TOGARAM1: variants seen among roughly 807,000 people sequenced by gnomAD.
TOGARAM1 encodes the protein TOG array regulator of axonemal microtubules protein 1.
In TOGARAM1, 100 loss-of-function variants were observed where a neutral mutation model predicts 166.6. The observed-to-expected ratio is 0.60, with a 90% CI of 0.51 to 0.71. The LOEUF is 0.71. Among genes scored for constraint, TOGARAM1 ranks in the 30% least tolerant of loss-of-function variants. The pLI is 0.00. For missense variants in TOGARAM1, 2,029 were observed against 2,102.7 expected (o/e 0.96, Z 0.69); for synonymous variants, 758 against 763.8 (o/e 0.99, Z 0.13).
At position 44,963,912 on chromosome 14, in the gene TOGARAM1, C is replaced by G. The variant is rs199500373; in HGVS notation, c.1491C>G (p.Ser497=). The G allele has an allele frequency of 1.6e-5, 26 of 1,613,726 alleles. No individual in the cohort carries two copies. In the East Asian group the frequency reaches 5.3e-4, roughly 33 times the overall value. The change falls in exon 1 of 20, where the codon TCC becomes TCG. Residue 497 remains serine, a synonymous_variant. Transcript: ENST00000361462. ...REEVVNICIC[S]LLTYPSEDFD... ...AGGTGGTGAACATTTGCATCTGCTC[C>G]CTGCTGACCTATCCTAGTGAGGATT...
At chr14:45,021,538 G>T (rs187110733) in intron 7 of TOGARAM1, among the ~76,000 whole-genome samples, 3 of 146,188 alleles carry the variant, frequency 2.1e-5, no homozygotes, top group Admixed American at 2.0e-4. Flanking sequence ...CACGGTTGTT[G>T]CTTGAAGAGC....
chr14:45,068,523 C>A lies in TOGARAM1; in HGVS notation c.4849C>A (p.His1617Asn), dbSNP rs768436295. The A allele has an allele frequency of 1.9e-6, 3 of 1,613,228 alleles. No homozygotes were observed. The highest frequency in any genetic ancestry group is 2.5e-6 in the Non-Finnish European group (3 of 1,179,632). Residue 1617 changes from histidine (H) to asparagine (N), a missense_variant, in exon 18 of 20, where the codon CAC (histidine) becomes AAC (asparagine). By Grantham distance (68) the His-to-Asn change is moderately conservative. Transcript: ENST00000361462. Reference protein sequence around the residue: ...MHKMIPLLRDHLSPIINMLIP... With the variant: ...MHKMIPLLRDNLSPIINMLIP... Reference sequence around the variant, plus strand: ...CAAAATGATTCCTCTACTTAGAGACCACTTATCTCCTATAATCAACATGCT... The same window carrying A: ...CAAAATGATTCCTCTACTTAGAGACAACTTATCTCCTATAATCAACATGCT...
intron 11 of TOGARAM1, among the ~76,000 whole-genome samples, chr14:45,041,745 A>T (rs1881739019): frequency 6.6e-6 from 1 of 152,152 alleles, no homozygotes; most frequent in Non-Finnish European, 1.5e-5. Context: ...GTTCATTCCA[A>T]GTCAGGGTTG....
At chr14:45,006,368 T>A in intron 5 of TOGARAM1, 101 bp downstream of exon 5, 1 of 815,126 alleles carries the variant, frequency 1.2e-6, no homozygotes, top group East Asian at 2.7e-5. Flanking sequence ...CTATAATATC[T>A]TATTTCTAAA....
chr14:44,969,001 T>C (rs1885716732), intron 1 of TOGARAM1, among the ~76,000 whole-genome samples: 1 of 152,194 alleles, frequency 6.6e-6, no homozygotes. Context: ...GTCACATACT[T>C]GGAGTTATAC....
At chr14:44,986,472 T>C (rs750239986) in intron 1 of TOGARAM1, among the ~76,000 whole-genome samples, 97 of 152,052 alleles carry the variant, frequency 6.4e-4, no homozygotes, top group Non-Finnish European at 1.2e-3. Context: ...TAATTTTTCA[T>C]AGAGACAAGA....
At chr14:45,064,329 G>T (rs930393368) in intron 16 of TOGARAM1, among the ~76,000 whole-genome samples, 1 of 151,996 alleles carries the variant, frequency 6.6e-6, no homozygotes, top group African/African-American at 2.4e-5. Flanking sequence ...ATGGGGTCTT[G>T]CTATGTTGCC....
chr14:44,963,099 C>T lies in TOGARAM1; in HGVS notation c.678C>T (p.Thr226=), dbSNP rs766719339. ...RTLIQQGLES[T]DARLRASTAL... The stretch of plus-strand genomic sequence containing the variant: ...TTATACAACAAGGACTGGAAAGTAC[C>T]GATGCCCGACTTAGAGCTTCCACAG... Residue 226 remains threonine, a synonymous_variant, in exon 1 of 20, where the codon ACC becomes ACT. Transcript: ENST00000361462. 3.1e-6 allele frequency: 5 copies of T among 1,614,004 alleles called. No homozygotes were observed. The South Asian group carries it at 3.3e-5, about 11-fold the overall frequency.
rs537595561 is a variant in TOGARAM1 at position 45,008,763 on chromosome 14, A to G, written c.2905-150A>G. The G allele has an allele frequency of 3.1e-5, 18 of 581,778 alleles. 1 individual carries two copies. In the African/African-American group the frequency reaches 3.2e-4, roughly 10 times the overall value. The allele number at this position is 581,778 out of a possible 1,614,324, so 36.0% of individuals were successfully genotyped here. On this transcript the variant is annotated intron_variant, in intron 5 of 19. Transcript: ENST00000361462. ...TGATAAAAATCTGTGTATTGATACT[A>G]TATACATATATATTAGTATTCATCT...
intron 11 of TOGARAM1, 85 bp from the exon 12 acceptor site, chr14:45,043,601 C>T (rs1353036128): frequency 2.4e-6 from 2 of 819,598 alleles, no homozygotes; most frequent in African/African-American, 1.7e-5. Context: ...TGGCAATATT[C>T]CATACACAGA....
chr14:45,012,131 A>T, intron 7 of TOGARAM1, 56 bp downstream of exon 7: 1 of 1,145,538 alleles, frequency 8.7e-7, no homozygotes, highest in South Asian at 1.6e-5. Context: ...CAAATGATGT[A>T]AAAAATGATA....
At chr14:45,058,983 T>C (rs1284673198) in intron 16 of TOGARAM1, among the ~76,000 whole-genome samples, 2 of 152,176 alleles carry the variant, frequency 1.3e-5, no homozygotes, top group Non-Finnish European at 2.9e-5. Context: ...AGGGCCCATT[T>C]GGGTATTTCT....
Position 45,054,555 on chromosome 14 carries a change from A to C in TOGARAM1, c.4559+6A>C. 6.4e-7 allele frequency: 1 copy of C among 1,568,538 alleles called. No individual in the cohort carries two copies. The highest frequency in any genetic ancestry group is 8.8e-7 in the Non-Finnish European group (1 of 1,139,784). On this transcript the variant is annotated splice_donor_region_variant and intron_variant, in intron 16 of 19. Coordinates refer to ENST00000361462, the MANE Select transcript of TOGARAM1 (RefSeq NM_001308120.2). ...GCTTTCAATTCAGCTGAAAGGTAAG[A>C]TGATGTAATAGTCCTCATCAGAGAA... is the stretch of plus-strand genomic sequence containing the variant.
intron 7 of TOGARAM1, among the ~76,000 whole-genome samples, chr14:45,013,960 T>C (rs1438214932): frequency 6.6e-6 from 1 of 152,108 alleles, no homozygotes; most frequent in Non-Finnish European, 1.5e-5. Flanking sequence ...TTGGGAGTCA[T>C]TTAAGTTTTA....
chr14:44,974,989 A>C (rs1274288609), intron 1 of TOGARAM1, among the ~76,000 whole-genome samples: 1 of 152,116 alleles, frequency 6.6e-6, no homozygotes. Flanking sequence ...CTTTAATTAC[A>C]CTTTTGATGA....
At chr14:44,972,639 C>G (rs1885947702) in intron 1 of TOGARAM1, among the ~76,000 whole-genome samples, 1 of 152,122 alleles carries the variant, frequency 6.6e-6, no homozygotes, top group Non-Finnish European at 1.5e-5. Flanking sequence ...TCCCTGATAA[C>G]TTTTCTTGCT....
At chr14:45,032,172 A>T (rs745945206) in intron 10 of TOGARAM1, 51 bp from the exon 11 acceptor site, 30 of 1,536,502 alleles carry the variant, frequency 2.0e-5, no homozygotes, top group Middle Eastern at 1.9e-4. Context: ...AAAGATAAAA[A>T]TTTTTTTTAA....
chr14:45,066,744 C>T lies in TOGARAM1; in HGVS notation c.4726C>T (p.Leu1576Phe), dbSNP rs553928207. 6.2e-7 allele frequency: 1 copy of T among 1,612,462 alleles called. No individual in the cohort carries two copies. The highest frequency in any genetic ancestry group is 1.7e-5 in the Admixed American group (1 of 59,960). Residue 1576 changes from leucine to phenylalanine, a missense_variant, in exon 17 of 20, where the codon CTT (leucine) becomes TTT (phenylalanine). By Grantham distance (22) the Leu-to-Phe change is conservative. Coordinates refer to ENST00000361462, the MANE Select transcript of TOGARAM1 (RefSeq NM_001308120.2). The part of the protein sequence containing the change: ...LLSDTENNQD[L>F]VVGNIVKIFD... ...ATCAGATACAGAAAATAATCAAGAC[C>T]TTGTTGTTGGAAACATTGTGAAGGT...
rs60368970 is a variant in TOGARAM1 at position 45,070,910 on chromosome 14, CTGTTGTTGTTGTTGT to C, written c.4970-788_4970-774del. Among the ~76,000 whole-genome samples the C allele has an allele frequency of 4.0e-5, 6 of 151,530 alleles. No homozygotes were observed. The East Asian group carries it at 7.7e-4, about 19-fold the overall frequency. On this transcript the variant is annotated intron_variant, in intron 18 of 19. Transcript: ENST00000361462. ...AAATGTAAAAACTGCTTCCCTTTTTCTGTTGTTGTTGTTGTTGTTGTTGTTGTTTTGAGACGGAGT... is the reference window on the plus strand; with the variant it reads ...AAATGTAAAAACTGCTTCCCTTTTTCTGTTGTTGTTGTTTTGAGACGGAGT...
Sources: gnomAD v4.1 joint callset for allele counts (sites outside exome capture counted in the v4.1 genomes callset) on GRCh38, gnomAD v4.1.1 for gene constraint, MANE v1.5 for transcripts, NCBI Gene and HGNC (gene_info 2026-07-23, HGNC 2026-07-21) for gene names.